The following SCN1B variants were observed in gnomAD, a reference collection of about 807,000 sequenced individuals.
SCN1B encodes the protein sodium channel regulatory subunit beta-1.
In SCN1B, 11 loss-of-function variants were observed where a neutral mutation model predicts 25.7. The observed-to-expected ratio is 0.43, with a 90% CI of 0.27 to 0.71. The LOEUF (loss-of-function observed/expected upper bound fraction) is 0.71. Ranked by LOEUF, SCN1B falls within the 30% of genes least tolerant of loss-of-function variation. The probability of loss-of-function intolerance (pLI) is 0.21; values close to 1 mark genes in which losing one functional copy is unlikely to be tolerated. For missense variants in SCN1B, 224 were observed against 291.5 expected (o/e 0.77, Z 1.69); for synonymous variants, 119 against 117.5 (o/e 1.01, Z -0.08).
At position 35,031,076 on chromosome 19, in the gene SCN1B, G is replaced by A. The variant is rs1284826896; in HGVS notation, c.40+216G>A. 2.0e-5 allele frequency among the ~76,000 whole-genome samples: 3 copies of A among 151,976 alleles called. No homozygotes were observed. In the East Asian group the frequency reaches 5.9e-4, roughly 30 times the overall value. ...GGCTCCAGCGGGTGGGGGCCGGGCT[G>A]GCACAGCCTGGCGGCTGCAGGCGCC... On this transcript the variant is annotated intron_variant, in intron 1 of 5. Coordinates refer to ENST00000262631, the MANE Select transcript of SCN1B (RefSeq NM_001037.5).
chr19:35,035,052 T>C (rs2064239412), intron 3 of SCN1B: 1 of 152,224 alleles, frequency 6.6e-6, no homozygotes, highest in Non-Finnish European at 1.5e-5. Context: ...CAGACATGGA[T>C]GATGGAGCCC....
In SCN1B at chr19:35,030,858, TG is replaced by T; in HGVS notation, c.40+1del. 2.3e-6 allele frequency: 2 copies of T among 870,164 alleles called. No homozygotes were observed. Among genetic ancestry groups the T allele is most frequent in the Non-Finnish European group, 2.9e-6 (2 of 694,280 alleles). 53.9% of individuals were successfully genotyped at this position (870,164 alleles called of 1,614,324 possible). ...RLLALVVGAA[L>X]VSSACGGCVE... ...CTGGCCTTAGTGGTCGGCGCGGCAC[TG>T]GGTGAGTGCGCGGGGGGCGCGCGCG... On this transcript the variant is annotated frameshift_variant and splice_region_variant, in exon 1 of 6. Coordinates refer to ENST00000262631, the MANE Select transcript of SCN1B (RefSeq NM_001037.5). LOFTEE classifies it high-confidence loss of function.
At position 35,034,038 on chromosome 19, in the gene SCN1B, A is replaced by G. The variant is rs1027861663; in HGVS notation, c.448+299A>G. ...GCAGGTGCCTTCTGTCTCTGAGCCA[A>G]AGGGTTGTCCTGGGCTTGCCCGGGA... is the stretch of plus-strand genomic sequence containing the variant. On this transcript the variant is annotated intron_variant, in intron 3 of 5. Coordinates refer to ENST00000262631, the MANE Select transcript of SCN1B (RefSeq NM_001037.5). 70 of 1,549,986 alleles carry G rather than the reference A, an allele frequency of 4.5e-5. No individual in the cohort carries two copies. The highest frequency in any genetic ancestry group is 9.8e-5 in the Admixed American group (5 of 50,962).
In SCN1B at chr19:35,032,563, T is replaced by G. The variant is rs1193324035; in HGVS notation, c.76T>G (p.Ser26Ala). ...CTGCGGGGGCTGCGTGGAGGTGGAC[T>G]CGGAGACCGAGGCCGTGTATGGGAT... ...SACGGCVEVD[S>A]ETEAVYGMTF... Residue 26 changes from serine to alanine, a missense_variant, in exon 2 of 6, where the codon TCG becomes GCG. Ser to Ala is a moderately conservative substitution (Grantham distance 99, BLOSUM62 1). This residue lies in a region of SCN1B where 46 missense variants were observed against 35.8 expected (regional missense o/e 1.29). Coordinates refer to ENST00000262631, the MANE Select transcript of SCN1B (RefSeq NM_001037.5). This position sits in a 1 kb window ranked among gnomAD's most constrained non-coding sequence, Gnocchi z 4.3. The G allele has an allele frequency of 6.2e-7, 1 of 1,613,922 alleles. No individual in the cohort carries two copies. The highest frequency in any genetic ancestry group is 2.2e-5 in the East Asian group (1 of 44,902).
intron 1 of SCN1B, among the ~76,000 whole-genome samples, chr19:35,031,098 C>T (rs1221143462): frequency 1.3e-5 from 2 of 151,286 alleles, no homozygotes; most frequent in Non-Finnish European, 2.9e-5. Flanking sequence ...CGGCTGCAGG[C>T]GCCCAGCCGG....
At chr19:35,039,361 AG>A in intron 4 of SCN1B, 103 bp downstream of exon 4, 1 of 1,528,670 alleles carries the variant, frequency 6.5e-7, no homozygotes, top group Non-Finnish European at 9.0e-7. Flanking sequence ...GGAGCGGCCC[AG>A]GGCGCCATCT....
rs769410262 is a variant in SCN1B, at chr19:35,032,553, G to A, written c.66G>A (p.Val22=). Residue 22 remains valine (V), a synonymous_variant, in exon 2 of 6, where the codon GTG becomes GTA. Transcript: ENST00000262631. This position sits in a 1 kb window ranked among gnomAD's most constrained non-coding sequence, Gnocchi z 4.3. ...TGTCCTCAGCCTGCGGGGGCTGCGT[G>A]GAGGTGGACTCGGAGACCGAGGCCG... is the stretch of plus-strand genomic sequence containing the variant. The part of the protein sequence containing the change: ...ALVSSACGGC[V]EVDSETEAVY... 4 of 1,614,010 alleles carry A rather than the reference G, an allele frequency of 2.5e-6. No homozygotes were observed.
At position 35,032,665 on chromosome 19, in the gene SCN1B, C is replaced by T. The variant is rs2064221873; in HGVS notation, c.178C>T (p.Arg60Cys). ...TGAGACCTTCACCGAGTGGACCTTC[C>T]GCCAGAAGGGCACTGAGGAGTTTGT... ...NAETFTEWTF[R>C]QKGTEEFVKI... Residue 60 changes from arginine to cysteine, a missense_variant, in exon 2 of 6, where the codon CGC becomes TGC. Physicochemically the swap from Arg to Cys is radical, Grantham distance 180. Coordinates refer to ENST00000262631, the MANE Select transcript of SCN1B (RefSeq NM_001037.5). The surrounding 1 kb of genome is among the most constrained non-coding windows in gnomAD (Gnocchi z 4.3). 5 of 1,613,926 alleles carry T rather than the reference C, an allele frequency of 3.1e-6. No individual in the cohort carries two copies. Among genetic ancestry groups the T allele is most frequent in the Non-Finnish European group, 1.7e-6 (2 of 1,180,044 alleles).
In SCN1B at chr19:35,033,678, C is replaced by T. The variant is rs891588693; in HGVS notation, c.387C>T (p.Phe129=). The T allele has an allele frequency of 1.5e-5, 25 of 1,614,052 alleles. No individual in the cohort carries two copies. Among genetic ancestry groups the T allele is most frequent in the Non-Finnish European group, 1.8e-5 (21 of 1,180,046 alleles). Residue 129 remains phenylalanine, a synonymous_variant, in exon 3 of 6, where the codon TTC becomes TTT. Transcript: ENST00000262631. ...GCCACGTCTACCGCCTGCTCTTCTTCGAAAACTACGAGCACAACACCAGCG... is the reference window on the plus strand; with the variant it reads ...GCCACGTCTACCGCCTGCTCTTCTTTGAAAACTACGAGCACAACACCAGCG... ...YECHVYRLLF[F]ENYEHNTSVV...
rs773216135 is a variant in SCN1B, at chr19:35,032,484, G to A, written c.41-44G>A. ...TTGTGAGGGGTCTGGCATTGCTTAG[G>A]GCAATGGGTGCCTCTGCCTGACCTG... is the stretch of plus-strand genomic sequence containing the variant. On this transcript the variant is annotated intron_variant, in intron 1 of 5. Coordinates refer to ENST00000262631, the MANE Select transcript of SCN1B (RefSeq NM_001037.5). The surrounding 1 kb of genome is among the most constrained non-coding windows in gnomAD (Gnocchi z 4.3). 1.9e-6 allele frequency: 3 copies of A among 1,607,710 alleles called. No individual in the cohort carries two copies. The highest frequency in any genetic ancestry group is 2.5e-6 in the Non-Finnish European group (3 of 1,177,572).
At chr19:35,038,974 A>G (rs2064265154) in intron 3 of SCN1B, 143 bp from the exon 4 acceptor site, 1 of 998,784 alleles carries the variant, frequency 1.0e-6, no homozygotes, top group African/African-American at 1.6e-5. Context: ...AGGCCTACCC[A>G]AGGCTGGGTA....
chr19:35,038,573 T>G (rs751891380), intron 3 of SCN1B: 8 of 192,204 alleles, frequency 4.2e-5, no homozygotes, highest in Non-Finnish European at 7.7e-5. Context: ...GAGCCGGGAT[T>G]TGAACCCTGG....
At chr19:35,034,573 G>T (rs1446147590) in intron 3 of SCN1B, 1 of 178,044 alleles carries the variant, frequency 5.6e-6, no homozygotes, top group South Asian at 1.2e-4. Context: ...TAGAGTTGGG[G>T]AAACAGCCCA....
chr19:35,034,047 C>A lies in SCN1B; in HGVS notation c.448+308C>A, dbSNP rs986180682. On this transcript the variant is annotated intron_variant, in intron 3 of 5. Coordinates refer to ENST00000262631, the MANE Select transcript of SCN1B (RefSeq NM_001037.5). Reference sequence around the variant, plus strand: ...TTCTGTCTCTGAGCCAAAGGGTTGTCCTGGGCTTGCCCGGGATAATAATCC... The same window carrying A: ...TTCTGTCTCTGAGCCAAAGGGTTGTACTGGGCTTGCCCGGGATAATAATCC... 6.6e-5 allele frequency: 103 copies of A among 1,550,750 alleles called. No homozygotes were observed. The highest frequency in any genetic ancestry group is 8.7e-5 in the Non-Finnish European group (100 of 1,146,256).
At chr19:35,033,825 C>T (rs756778699) in intron 3 of SCN1B, 86 bp downstream of exon 3, 1 of 1,612,868 alleles carries the variant, frequency 6.2e-7, no homozygotes, top group Non-Finnish European at 8.5e-7. Context: ...ACAGGACAGG[C>T]TGGCTCTGTG....
rs761925369 is a variant in SCN1B at position 35,033,643 on chromosome 19, G to T, written c.352G>T (p.Asp118Tyr). The part of the protein sequence containing the change: ...ITNVTYNHSG[D>Y]YECHVYRLLF... The stretch of plus-strand genomic sequence containing the variant: ...CAATGTCACCTACAACCACTCGGGC[G>T]ACTACGAGTGCCACGTCTACCGCCT... The change falls in exon 3 of 6, where the codon GAC becomes TAC. Residue 118 changes from aspartate to tyrosine, a missense_variant. Physicochemically the swap from Asp to Tyr is radical, Grantham distance 160. This residue lies in a region of SCN1B where 126 missense variants were observed against 204.9 expected (regional missense o/e 0.61). Coordinates refer to ENST00000262631, the MANE Select transcript of SCN1B (RefSeq NM_001037.5). 8 of 1,614,066 alleles carry T rather than the reference G, an allele frequency of 5.0e-6. No individual in the cohort carries two copies. The highest frequency in any genetic ancestry group is 8.5e-7 in the Non-Finnish European group (1 of 1,180,042).
In SCN1B at chr19:35,039,800, C is replaced by T; in HGVS notation, c.*9C>T. ...CCCCTCTCTTGCTCCCCTTCAGGCC[C>T]TGGGCCCCGCCTCAAGGAAGAGCCA... is the stretch of plus-strand genomic sequence containing the variant. On this transcript the variant is annotated 3_prime_UTR_variant, in exon 6 of 6. Transcript: ENST00000262631. 1 of 1,285,450 alleles carries T rather than the reference C, an allele frequency of 7.8e-7. No homozygotes were observed. The highest frequency in any genetic ancestry group is 1.2e-5 in the South Asian group (1 of 80,110). The allele number at this position is 1,285,450 out of a possible 1,614,324, so 79.6% of individuals were successfully genotyped here. A position where few individuals can be genotyped will look rare whatever the true frequency, so the allele number is the denominator to read the frequency against.
chr19:35,035,459 T>C (rs1178528629), intron 3 of SCN1B: 1 of 152,088 alleles, frequency 6.6e-6, no homozygotes, highest in Non-Finnish European at 1.5e-5. Context: ...CCAGCTAATT[T>C]TTGTATTTTT....
At chr19:35,039,435 C>T (rs2064270564) in intron 4 of SCN1B, 177 bp downstream of exon 4, 7 of 1,005,116 alleles carry the variant, frequency 7.0e-6, no homozygotes, top group Non-Finnish European at 9.0e-6. Flanking sequence ...TCAGACCCAG[C>T]CCCTTCCTCC....
Sources: allele counts gnomAD v4.1 joint callset (sites outside exome capture counted in the v4.1 genomes callset), GRCh38; gene constraint gnomAD v4.1.1; regional missense constraint gnomAD v4.1.1; non-coding constraint Gnocchi (gnomAD v3.1); transcripts MANE v1.5; gene names NCBI Gene and HGNC (gene_info 2026-07-23, HGNC 2026-07-21).